Variants in BTF3L4 observed in about 807,000 individuals in gnomAD.
BTF3L4 encodes the protein transcription factor BTF3 homolog 4.
BTF3L4 carries 6 observed loss-of-function variants against 16.8 expected under a neutral mutation model. The ratio of observed to expected loss-of-function variants is 0.36; its 90% CI spans 0.20 to 0.71. BTF3L4 has a LOEUF of 0.71. Among genes scored for constraint, BTF3L4 ranks in the 30% least tolerant of loss-of-function variants. BTF3L4 has a pLI of 0.58. For synonymous variants in BTF3L4, 39 were observed against 59.8 expected, an observed-to-expected ratio of 0.65 and a Z score of 1.60; for missense variants, 92 against 186.9, an observed-to-expected ratio of 0.49 and a Z score of 2.96.
chr1:52,068,692 C>A (rs1321855616), intron 3 of BTF3L4, among the ~76,000 whole-genome samples: 1 of 151,306 alleles, frequency 6.6e-6, no homozygotes, highest in East Asian at 1.9e-4. Context: ...CCTCCCCCAC[C>A]AAAAAAAAGG....
intron 3 of BTF3L4, among the ~76,000 whole-genome samples, chr1:52,067,102 A>C (rs1686670565): frequency 6.6e-6 from 1 of 151,136 alleles, no homozygotes; most frequent in South Asian, 2.1e-4. Flanking sequence ...CAGGCATGGT[A>C]GTGCGTGCCT....
chr1:52,065,103 C>CA (rs1312703423), intron 3 of BTF3L4, 165 bp downstream of exon 3: 11 of 402,736 alleles, frequency 2.7e-5, no homozygotes, highest in Non-Finnish European at 4.5e-5. Context: ...AAATGATGGT[C>CA]AAAAAAATAA....
At chr1:52,076,113 C>T (rs568245585) in intron 3 of BTF3L4, among the ~76,000 whole-genome samples, 6 of 152,224 alleles carry the variant, frequency 3.9e-5, no homozygotes, top group South Asian at 4.1e-4. Context: ...TAGCTGGGCA[C>T]GGGAATTCTT....
intron 3 of BTF3L4, among the ~76,000 whole-genome samples, chr1:52,066,956 G>T (rs1459763785): frequency 6.6e-6 from 1 of 152,074 alleles, no homozygotes; most frequent in African/African-American, 2.4e-5. Flanking sequence ...GGAGGTAGGG[G>T]CTGGGCGCAG....
intron 3 of BTF3L4, among the ~76,000 whole-genome samples, chr1:52,078,261 C>T (rs997966735): frequency 2.2e-5 from 3 of 133,624 alleles, no homozygotes; most frequent in African/African-American, 5.4e-5. Context: ...ATGGGGTTCT[C>T]GCTGTGTTGT....
rs74756819 is a variant in BTF3L4 at position 52,063,515 on chromosome 1, T to G, written c.55-1310T>G. On this transcript the variant is annotated intron_variant, in intron 2 of 5. Coordinates refer to ENST00000313334, the MANE Select transcript of BTF3L4 (RefSeq NM_152265.5). ...CCTACCTTACCTCTATAAGGCTGATTCCCTGAGTACTACTATAGGAGCTAC... is the reference window on the plus strand; with the variant it reads ...CCTACCTTACCTCTATAAGGCTGATGCCCTGAGTACTACTATAGGAGCTAC... 3.5e-3 allele frequency among the ~76,000 whole-genome samples: 538 copies of G among 152,274 alleles called. 3 individuals are homozygous for G. The highest frequency in any genetic ancestry group is 0.012 in the African/African-American group (512 of 41,554).
At chr1:52,071,284 C>G (rs891699432) in intron 3 of BTF3L4, 1 of 152,212 alleles carries the variant, frequency 6.6e-6, no homozygotes, top group African/African-American at 2.4e-5. Flanking sequence ...CTGTCTTAAT[C>G]AGGGTATAAT....
Position 52,083,492 on chromosome 1 carries a change from T to C in BTF3L4, c.321T>C (p.Ala107=). Reference sequence around the variant, plus strand: ...CTGGAATATTAAGTCAGCTTGGTGCTGACAGTTTAACAAGCCTTAGGAAGT... The same window carrying C: ...CTGGAATATTAAGTCAGCTTGGTGCCGACAGTTTAACAAGCCTTAGGAAGT... ...MLPGILSQLG[A]DSLTSLRKLA... Residue 107 remains alanine, a synonymous_variant, in exon 4 of 6, where the codon GCT becomes GCC. Coordinates refer to ENST00000313334, the MANE Select transcript of BTF3L4 (RefSeq NM_152265.5). 3.7e-6 allele frequency: 6 copies of C among 1,613,756 alleles called. No homozygotes were observed. The Middle Eastern group carries it at 9.9e-4, about 267-fold the overall frequency.
At chr1:52,086,401 CTG>C (rs1643973417) in intron 5 of BTF3L4, 2 of 489,156 alleles carry the variant, frequency 4.1e-6, no homozygotes, top group Admixed American at 3.9e-5. Flanking sequence ...ATTGAAATCA[CTG>C]TGATTATAAA....
At position 52,083,483 on chromosome 1, in the gene BTF3L4, G is replaced by C. The variant is rs761256803; in HGVS notation, c.312G>C (p.Gln104His). ...AAATGCTTCCTGGAATATTAAGTCA[G>C]CTTGGTGCTGACAGTTTAACAAGCC... is the stretch of plus-strand genomic sequence containing the variant. The part of the protein sequence containing the change: ...ITEMLPGILS[Q>H]LGADSLTSLR... Residue 104 changes from glutamine to histidine, a missense_variant, in exon 4 of 6, where the codon CAG (glutamine) becomes CAC (histidine). Transcript: ENST00000313334. 1 of 1,613,654 alleles carries C rather than the reference G, an allele frequency of 6.2e-7. No homozygotes were observed. The highest frequency in any genetic ancestry group is 1.7e-5 in the Admixed American group (1 of 60,010).
intron 4 of BTF3L4, among the ~76,000 whole-genome samples, chr1:52,084,875 C>T (rs1404049422): frequency 6.6e-6 from 1 of 151,766 alleles, no homozygotes; most frequent in African/African-American, 2.4e-5. Context: ...ATAAATGTGG[C>T]AACCGTAAGT....
intron 1 of BTF3L4, among the ~76,000 whole-genome samples, chr1:52,058,040 T>G (rs1438125318): frequency 2.6e-5 from 4 of 152,232 alleles, no homozygotes; most frequent in Middle Eastern, 3.2e-3. Flanking sequence ...CCTTTTTTTT[T>G]GCAATAAATT....
chr1:52,065,044 A>C, intron 3 of BTF3L4, 106 bp downstream of exon 3: 1 of 543,328 alleles, frequency 1.8e-6, no homozygotes, highest in East Asian at 3.3e-5. Flanking sequence ...TGATATTGTC[A>C]CTCTGATGTC....
At chr1:52,076,255 G>A (rs540396584) in intron 3 of BTF3L4, among the ~76,000 whole-genome samples, 1 of 152,036 alleles carries the variant, frequency 6.6e-6, no homozygotes, top group South Asian at 2.1e-4. Flanking sequence ...CAGCCTGGGT[G>A]ACAGAGCGAG....
rs1400047446 is a variant in BTF3L4 at position 52,073,499 on chromosome 1, C to T, written c.168+8561C>T. On this transcript the variant is annotated intron_variant, in intron 3 of 5. Coordinates refer to ENST00000313334, the MANE Select transcript of BTF3L4 (RefSeq NM_152265.5). ...GCACTATATATATGCTACATACACA[C>T]ACACACACACACACACACACACACA... 4.5e-5 allele frequency among the ~76,000 whole-genome samples: 6 copies of T among 133,918 alleles called. No individual in the cohort carries two copies. The East Asian group carries it at 1.2e-3, about 27-fold the overall frequency. The allele number at this position is 133,918 out of a possible 152,430, so 87.9% of individuals were successfully genotyped here.
At chr1:52,057,294 A>G (rs1257576301) in intron 1 of BTF3L4, among the ~76,000 whole-genome samples, 1 of 152,240 alleles carries the variant, frequency 6.6e-6, no homozygotes, top group African/African-American at 2.4e-5. Flanking sequence ...GCCTACCACA[A>G]TGCTTCTAAC....
At chr1:52,068,676 G>A (rs917086845) in intron 3 of BTF3L4, among the ~76,000 whole-genome samples, 17 of 151,830 alleles carry the variant, frequency 1.1e-4, no homozygotes. Context: ...ATTTCCTCCT[G>A]TCCCTCCTCC....
chr1:52,064,665 G>A (rs1037261393), intron 2 of BTF3L4, among the ~76,000 whole-genome samples, 160 bp from the exon 3 acceptor site: 3 of 152,136 alleles, frequency 2.0e-5, no homozygotes, highest in African/African-American at 7.2e-5. Context: ...TCTGCGTTAG[G>A]CTGACAATCA....
At chr1:52,073,049 C>G (rs1246505131) in intron 3 of BTF3L4, among the ~76,000 whole-genome samples, 5 of 151,904 alleles carry the variant, frequency 3.3e-5, no homozygotes, top group African/African-American at 1.2e-4. Context: ...CAGAGCAAGA[C>G]TCTGTCTCAA....
Sources: gnomAD v4.1 joint callset for allele counts (sites outside exome capture counted in the v4.1 genomes callset) on GRCh38, gnomAD v4.1.1 for gene constraint, MANE v1.5 for transcripts, NCBI Gene and HGNC (gene_info 2026-07-23, HGNC 2026-07-21) for gene names.